NKAIN3: variants seen among roughly 807,000 people sequenced by gnomAD.
NKAIN3 encodes sodium/potassium transporting ATPase interacting 3.
In NKAIN3, 25 loss-of-function variants were observed where a neutral mutation model predicts 30.2. The ratio of observed to expected loss-of-function variants is 0.83; its 90% CI spans 0.60 to 1.16. The LOEUF (loss-of-function observed/expected upper bound fraction) is 1.16. Among genes scored for constraint, NKAIN3 ranks in the 50% most tolerant of loss-of-function variants. NKAIN3 has a pLI of 0.00. For synonymous variants in NKAIN3, 91 were observed against 89.6 expected, an observed-to-expected ratio of 1.02 and a Z score of -0.09; for missense variants, 225 against 254.1, an observed-to-expected ratio of 0.89 and a Z score of 0.78.
chr8:62,618,850 G>T (rs1271494645), intron 3 of NKAIN3, among the ~76,000 whole-genome samples: 1 of 152,058 alleles, frequency 6.6e-6, no homozygotes, highest in Non-Finnish European at 1.5e-5. Context: ...AGGTTGCAGT[G>T]AGCTGAGATC....
At chr8:62,870,270 A>ATATC (rs1820578540) in intron 4 of NKAIN3, among the ~76,000 whole-genome samples, 1 of 102,592 alleles carries the variant, frequency 9.7e-6, no homozygotes, top group Non-Finnish European at 2.3e-5. Flanking sequence ...ATCTATATAT[A>ATATC]GATATATATA....
rs1298898190 is a variant in NKAIN3, at chr8:62,302,812, C to T, written c.54+53685C>T. Among the ~76,000 whole-genome samples the T allele has an allele frequency of 2.1e-5, 3 of 142,002 alleles. 1 individual carries two copies. The highest frequency in any genetic ancestry group is 6.3e-5 in the African/African-American group (2 of 31,968). 93.2% of individuals were successfully genotyped at this position (142,002 alleles called of 152,430 possible). The stretch of plus-strand genomic sequence containing the variant: ...ATGATAGGGCTTGATCTGATCATAA[C>T]AAAGTATTATTTAGGGCATCTTTGT... On this transcript the variant is annotated intron_variant, in intron 1 of 6. Transcript: ENST00000623646.
intron 1 of NKAIN3, among the ~76,000 whole-genome samples, chr8:62,524,729 A>G (rs1808248052): frequency 6.6e-6 from 1 of 152,150 alleles, no homozygotes; most frequent in Non-Finnish European, 1.5e-5. Context: ...TTTAAGCGGA[A>G]GAGCTGTGAT....
intron 4 of NKAIN3, among the ~76,000 whole-genome samples, chr8:62,843,629 C>T (rs1328429420): frequency 6.6e-6 from 1 of 152,092 alleles, no homozygotes; most frequent in Non-Finnish European, 1.5e-5. Context: ...GTCACCATGG[C>T]CGGCCCCTGC....
chr8:62,747,269 T>C (rs1050309401), intron 4 of NKAIN3, 140 bp downstream of exon 4: 2 of 581,222 alleles, frequency 3.4e-6, no homozygotes, highest in Non-Finnish European at 6.1e-6. Context: ...ATGGTACCAC[T>C]AGTTATACCT....
intron 1 of NKAIN3, among the ~76,000 whole-genome samples, chr8:62,508,196 C>T (rs532573590): frequency 6.6e-6 from 1 of 152,130 alleles, no homozygotes; most frequent in Non-Finnish European, 1.5e-5. Flanking sequence ...ACCCTCCCTG[C>T]AAATGCAGAG....
At chr8:62,624,285 C>T (rs1373689170) in intron 3 of NKAIN3, among the ~76,000 whole-genome samples, 1 of 152,040 alleles carries the variant, frequency 6.6e-6, no homozygotes, top group African/African-American at 2.4e-5. Context: ...CCTGCCAATG[C>T]AGCCCAGTAG....
At chr8:62,894,057 A>G (rs36084686) in intron 4 of NKAIN3, among the ~76,000 whole-genome samples, 1 of 152,208 alleles carries the variant, frequency 6.6e-6, no homozygotes, top group Admixed American at 6.5e-5. Context: ...GACCCAACAA[A>G]CAATGACACT....
At chr8:62,851,315 A>C (rs1290559347) in intron 4 of NKAIN3, among the ~76,000 whole-genome samples, 4 of 152,160 alleles carry the variant, frequency 2.6e-5, no homozygotes, top group African/African-American at 9.7e-5. Flanking sequence ...TTGTATCCTG[A>C]GACTTTGCTG....
intron 1 of NKAIN3, among the ~76,000 whole-genome samples, chr8:62,419,430 G>T (rs1232574043): frequency 6.6e-6 from 1 of 152,118 alleles, no homozygotes; most frequent in Non-Finnish European, 1.5e-5. Flanking sequence ...CTGGAAGAAG[G>T]GATTACTTTC....
intron 4 of NKAIN3, among the ~76,000 whole-genome samples, chr8:62,911,628 C>A (rs1307539672): frequency 6.6e-6 from 1 of 151,938 alleles, no homozygotes; most frequent in Admixed American, 6.6e-5. Context: ...ATCTGCCTGG[C>A]TGCTGCTTGG....
intron 1 of NKAIN3, among the ~76,000 whole-genome samples, chr8:62,500,352 C>T (rs754879849): frequency 6.7e-6 from 1 of 150,010 alleles, no homozygotes; most frequent in Non-Finnish European, 1.5e-5. Flanking sequence ...CAAGGAAAAA[C>T]ACTCAATGGG....
intron 3 of NKAIN3, among the ~76,000 whole-genome samples, chr8:62,733,941 A>G (rs555693055): frequency 6.6e-6 from 1 of 152,328 alleles, no homozygotes; most frequent in Non-Finnish European, 1.5e-5. Flanking sequence ...GTTTATTTTA[A>G]TATTCTCTTC....
At chr8:62,692,575 T>C (rs1814015557) in intron 3 of NKAIN3, among the ~76,000 whole-genome samples, 1 of 145,162 alleles carries the variant, frequency 6.9e-6, no homozygotes, top group Admixed American at 6.8e-5. Context: ...AGTTCTCTTG[T>C]GCAGCATTGA....
At chr8:62,563,095 G>T (rs903886263) in intron 1 of NKAIN3, among the ~76,000 whole-genome samples, 1 of 152,134 alleles carries the variant, frequency 6.6e-6, no homozygotes, top group African/African-American at 2.4e-5. Flanking sequence ...CTCCACTGGA[G>T]AGTTGAAATT....
chr8:62,990,108 A>T (rs947726225), intron 5 of NKAIN3: 14 of 825,612 alleles, frequency 1.7e-5, no homozygotes, highest in Admixed American at 1.6e-4. Flanking sequence ...AATCATTTCA[A>T]TCTAATAAGA....
intron 1 of NKAIN3, among the ~76,000 whole-genome samples, chr8:62,366,050 G>C (rs1159233122): frequency 6.6e-6 from 1 of 152,028 alleles, no homozygotes; most frequent in African/African-American, 2.4e-5. Context: ...TTGATGTAAA[G>C]TTCTAAATTA....
chr8:62,740,949 G>A (rs368630380), intron 3 of NKAIN3, among the ~76,000 whole-genome samples: 2 of 150,840 alleles, frequency 1.3e-5, no homozygotes, highest in East Asian at 2.0e-4. Flanking sequence ...TGGTTATCAG[G>A]TGCTTTTTCT....
chr8:62,873,137 G>A (rs1820694751), intron 4 of NKAIN3, among the ~76,000 whole-genome samples: 1 of 152,022 alleles, frequency 6.6e-6, no homozygotes, highest in African/African-American at 2.4e-5. Flanking sequence ...ATAAAGAGAT[G>A]GAGGAAAATT....
Sources: gnomAD v4.1 joint callset for allele counts (sites outside exome capture counted in the v4.1 genomes callset) on GRCh38, gnomAD v4.1.1 for gene constraint, MANE v1.5 for transcripts, NCBI Gene and HGNC (gene_info 2026-07-23, HGNC 2026-07-21) for gene names.